The following ZER1 variants were observed in gnomAD, a reference collection of about 807,000 sequenced individuals.
ZER1 encodes the protein protein zer-1 homolog.
ZER1 carries 11 observed loss-of-function variants against 78.8 expected under a neutral mutation model. That is an observed-to-expected ratio of 0.14 (90% CI 0.09 to 0.23). The LOEUF (loss-of-function observed/expected upper bound fraction) is 0.23, where lower values mean the gene tolerates loss of function less well. ZER1 is among the 10% of genes least tolerant of loss of function. ZER1 has a pLI of 1.00. For missense variants in ZER1, 588 were observed against 996.9 expected (o/e 0.59, Z 5.52); for synonymous variants, 400 against 407.0 (o/e 0.98, Z 0.21).
chr9:128,734,995 A>G (rs1052339823), intron 14 of ZER1, among the ~76,000 whole-genome samples: 5 of 152,152 alleles, frequency 3.3e-5, no homozygotes, highest in African/African-American at 9.7e-5. Flanking sequence ...ACCTCAGGCA[A>G]TTCTCCTGTC....
Position 128,754,813 on chromosome 9 carries a change from C to T in ZER1, c.158+595G>A. On this transcript the variant is annotated intron_variant, in intron 2 of 15. Coordinates refer to ENST00000291900, the MANE Select transcript of ZER1 (RefSeq NM_006336.4). The surrounding 1 kb of genome is among the most constrained non-coding windows in gnomAD (Gnocchi z 4.3). ...TGCTGGAATTACACGTGTGAGCCACCATGCCTGGCCACCATCTGGGCCTGT... is the reference window on the plus strand; with the variant it reads ...TGCTGGAATTACACGTGTGAGCCACTATGCCTGGCCACCATCTGGGCCTGT... Among the ~76,000 whole-genome samples the T allele has an allele frequency of 6.6e-6, 1 of 152,116 alleles. No homozygotes were observed. Among genetic ancestry groups the T allele is most frequent in the East Asian group, 1.9e-4 (1 of 5,190 alleles).
intron 11 of ZER1, among the ~76,000 whole-genome samples, chr9:128,741,328 C>T (rs1863284300): frequency 6.6e-6 from 1 of 152,138 alleles, no homozygotes; most frequent in South Asian, 2.1e-4. Context: ...GGAGTGGGGG[C>T]TCTCAGGAGG....
intron 1 of ZER1, among the ~76,000 whole-genome samples, chr9:128,765,693 C>A (rs899624700): frequency 1.3e-5 from 2 of 152,124 alleles, no homozygotes; most frequent in African/African-American, 4.8e-5. Context: ...AAAACCCAAA[C>A]AAATGCCCTA....
chr9:128,748,698 G>A (rs7866861), intron 8 of ZER1, among the ~76,000 whole-genome samples: 151,217 of 151,804 alleles, frequency 1, 75,320 homozygotes, highest in Middle Eastern at 1. Flanking sequence ...CAGCCTCCCA[G>A]GTAGCTGGGA....
At chr9:128,769,602 T>TG (rs1361419312) in intron 1 of ZER1, among the ~76,000 whole-genome samples, 1 of 151,904 alleles carries the variant, frequency 6.6e-6, no homozygotes, top group East Asian at 1.9e-4. Context: ...TTAGTAGAGA[T>TG]GGGGTTTCAC....
intron 1 of ZER1, among the ~76,000 whole-genome samples, chr9:128,759,273 C>T (rs906931274): frequency 2.6e-5 from 4 of 151,452 alleles, no homozygotes; most frequent in East Asian, 2.0e-4. Flanking sequence ...CAGGTTCAAG[C>T]GGTTCTCCTG....
chr9:128,748,410 A>T (rs1032390285), intron 8 of ZER1, among the ~76,000 whole-genome samples: 131 of 150,484 alleles, frequency 8.7e-4, no homozygotes, highest in African/African-American at 2.8e-3. Context: ...TCAAAAAAAA[A>T]AAAAAAAAAA....
At chr9:128,770,970 G>C (rs1864365194) in intron 1 of ZER1, among the ~76,000 whole-genome samples, 1 of 152,138 alleles carries the variant, frequency 6.6e-6, no homozygotes, top group East Asian at 1.9e-4. Context: ...AGGAGTTCGA[G>C]ACCAGCTTGG....
At chr9:128,765,212 TACACACACACACACACACACACAC>T (rs60923356) in intron 1 of ZER1, among the ~76,000 whole-genome samples, 1 of 149,702 alleles carries the variant, frequency 6.7e-6, no homozygotes, top group South Asian at 2.1e-4. Context: ...CATGCACATG[TACACACACACACACACACACACAC>T]ACACACACAC....
At chr9:128,767,280 TC>T (rs1864245286) in intron 1 of ZER1, among the ~76,000 whole-genome samples, 1 of 151,858 alleles carries the variant, frequency 6.6e-6, no homozygotes, top group Admixed American at 6.6e-5. Context: ...AGGGTCTCAC[TC>T]TGTCACCCAG....
chr9:128,770,516 A>G (rs1362345548), intron 1 of ZER1, among the ~76,000 whole-genome samples: 1 of 152,058 alleles, frequency 6.6e-6, no homozygotes, highest in Non-Finnish European at 1.5e-5. Flanking sequence ...TTGCTCCCTC[A>G]CTTATCTCTG....
intron 1 of ZER1, among the ~76,000 whole-genome samples, chr9:128,756,384 C>G (rs1292723146): frequency 6.6e-6 from 1 of 152,154 alleles, no homozygotes; most frequent in Non-Finnish European, 1.5e-5. Flanking sequence ...AGCCGACACC[C>G]TGCCACTGCA....
intron 13 of ZER1, among the ~76,000 whole-genome samples, chr9:128,735,758 CTGGTTTTTTTTTTTT>C (rs1863049136): frequency 2.6e-5 from 1 of 38,234 alleles, no homozygotes; most frequent in Non-Finnish European, 5.9e-5. Context: ...CACGTGTGAC[CTGGTTTTTTTTTTTT>C]TTTTTTTTTT....
intron 1 of ZER1, among the ~76,000 whole-genome samples, chr9:128,766,196 A>G (rs564208840): frequency 6.6e-6 from 1 of 152,092 alleles, no homozygotes; most frequent in African/African-American, 2.4e-5. Context: ...TAAAAATACA[A>G]AAATTAGCAG....
At chr9:128,761,051 G>T (rs1343874552) in intron 1 of ZER1, among the ~76,000 whole-genome samples, 1 of 149,280 alleles carries the variant, frequency 6.7e-6, no homozygotes, top group Non-Finnish European at 1.5e-5. Context: ...CCAGCTACTC[G>T]GGAGGCTGAG....
chr9:128,767,239 G>A (rs987526514), intron 1 of ZER1, among the ~76,000 whole-genome samples: 22 of 151,032 alleles, frequency 1.5e-4, no homozygotes, highest in East Asian at 3.9e-4. Context: ...CACTGCGGTC[G>A]GCCTATTTAT....
intron 1 of ZER1, among the ~76,000 whole-genome samples, chr9:128,770,545 A>G (rs1312220940): frequency 6.6e-6 from 1 of 152,214 alleles, no homozygotes; most frequent in Non-Finnish European, 1.5e-5. Flanking sequence ...TCACCTTACT[A>G]GAGACCTTCC....
chr9:128,741,408 C>A (rs974216507), intron 11 of ZER1, 127 bp downstream of exon 11: 17 of 1,416,870 alleles, frequency 1.2e-5, no homozygotes, highest in Non-Finnish European at 1.6e-5. Context: ...CTGAGTCTGT[C>A]CCCACTGCCC....
intron 1 of ZER1, among the ~76,000 whole-genome samples, chr9:128,756,259 A>G (rs1863855462): frequency 6.6e-6 from 1 of 152,198 alleles, no homozygotes; most frequent in South Asian, 2.1e-4. Flanking sequence ...CATCCTGGCT[A>G]ACACGGTGAA....
Sources: gnomAD v4.1 joint callset for allele counts (sites outside exome capture counted in the v4.1 genomes callset) on GRCh38, gnomAD v4.1.1 for gene constraint, Gnocchi (gnomAD v3.1) non-coding constraint, MANE v1.5 for transcripts, NCBI Gene and HGNC (gene_info 2026-07-23, HGNC 2026-07-21) for gene names.